The following DPP10 variants were observed in gnomAD, a reference collection of about 807,000 sequenced individuals.
DPP10 encodes the protein inactive dipeptidyl peptidase 10.
Under a neutral mutation model 120.9 loss-of-function variants are expected in DPP10, and 33 were observed. The observed-to-expected ratio is 0.27, with a 90% CI of 0.21 to 0.37. DPP10 has a LOEUF of 0.37. Among genes scored for constraint, DPP10 ranks in the 10% least tolerant of loss-of-function variants. The probability of loss-of-function intolerance (pLI) is 1.00; values close to 1 mark genes in which losing one functional copy is unlikely to be tolerated. For missense variants in DPP10, 816 were observed against 942.8 expected, an observed-to-expected ratio of 0.87 and a Z score of 1.76; for synonymous variants, 337 against 326.1, an observed-to-expected ratio of 1.03 and a Z score of -0.36.
At chr2:115,581,540 C>T (rs1307969675) in intron 5 of DPP10, among the ~76,000 whole-genome samples, 1 of 152,096 alleles carries the variant, frequency 6.6e-6, no homozygotes, top group Non-Finnish European at 1.5e-5. Flanking sequence ...CTACTATACT[C>T]TGTTATACAA....
intron 2 of DPP10, among the ~76,000 whole-genome samples, chr2:115,333,657 G>A (rs1192472622): frequency 6.6e-6 from 1 of 152,046 alleles, no homozygotes; most frequent in Admixed American, 6.6e-5. Context: ...TGTCTGTAAA[G>A]GATTTTATTT....
At chr2:115,182,464 T>C (rs922869964) in intron 1 of DPP10, among the ~76,000 whole-genome samples, 1 of 152,202 alleles carries the variant, frequency 6.6e-6, no homozygotes, top group Non-Finnish European at 1.5e-5. Flanking sequence ...GGGGGAATAA[T>C]CAGGGAAAAC....
intron 1 of DPP10, among the ~76,000 whole-genome samples, chr2:115,205,510 A>G (rs2056059901): frequency 1.3e-5 from 2 of 152,180 alleles, no homozygotes; most frequent in South Asian, 4.1e-4. Context: ...AATTTGACCC[A>G]GCAATGCCAT....
intron 3 of DPP10, among the ~76,000 whole-genome samples, chr2:115,401,068 G>A (rs978961844): frequency 1.3e-5 from 2 of 152,290 alleles, no homozygotes; most frequent in South Asian, 2.1e-4. Context: ...GAAAATGAGC[G>A]AGCCATAGAA....
intron 1 of DPP10, among the ~76,000 whole-genome samples, chr2:114,866,800 G>C (rs758957076): frequency 1.2e-4 from 18 of 152,182 alleles, no homozygotes; most frequent in Admixed American, 4.6e-4. Context: ...TGTGCTTAAA[G>C]TCCAAGAATT....
chr2:115,451,862 G>A (rs2073133679), intron 3 of DPP10, among the ~76,000 whole-genome samples: 1 of 151,542 alleles, frequency 6.6e-6, no homozygotes, highest in East Asian at 1.9e-4. Context: ...TTGTATAGGA[G>A]AGAAAGAATG....
intron 1 of DPP10, among the ~76,000 whole-genome samples, chr2:114,558,937 CATCTCCATGTCCAAGTAT>C: frequency 6.6e-6 from 1 of 152,276 alleles, no homozygotes; most frequent in South Asian, 2.1e-4. Flanking sequence ...GTCATAAGTA[CATCTCCATGTCCAAGTAT>C]ATCTCCATGC....
At chr2:115,156,895 A>C (rs2051951473) in intron 1 of DPP10, among the ~76,000 whole-genome samples, 2 of 152,208 alleles carry the variant, frequency 1.3e-5, no homozygotes, top group Non-Finnish European at 1.5e-5. Flanking sequence ...AGAGTTGTGA[A>C]AATCAGGAAA....
At chr2:115,684,974 G>A (rs903412795) in intron 5 of DPP10, among the ~76,000 whole-genome samples, 1 of 151,912 alleles carries the variant, frequency 6.6e-6, no homozygotes, top group Non-Finnish European at 1.5e-5. Context: ...CGTGCTTCAT[G>A]TACTAGCTCC....
intron 1 of DPP10, among the ~76,000 whole-genome samples, chr2:114,795,016 T>C (rs1234599514): frequency 6.6e-6 from 1 of 152,188 alleles, no homozygotes; most frequent in African/African-American, 2.4e-5. Flanking sequence ...GTCAGATTAT[T>C]TTGTATACCA....
intron 1 of DPP10, among the ~76,000 whole-genome samples, chr2:114,862,636 T>C (rs572741148): frequency 6.6e-6 from 1 of 152,238 alleles, no homozygotes; most frequent in African/African-American, 2.4e-5. Context: ...GAAAGAGAGA[T>C]AAAGACAGGT....
intron 1 of DPP10, among the ~76,000 whole-genome samples, chr2:115,087,709 A>T (rs1318673603): frequency 6.6e-6 from 1 of 150,698 alleles, no homozygotes; most frequent in African/African-American, 2.4e-5. Context: ...ATGCATCACC[A>T]CGCCCAGCTA....
intron 21 of DPP10, among the ~76,000 whole-genome samples, chr2:115,820,993 T>C (rs907053540): frequency 3.3e-5 from 5 of 152,210 alleles, no homozygotes; most frequent in Admixed American, 6.5e-5. Flanking sequence ...AATAGTGGGA[T>C]TGCTAGATCA....
At chr2:114,723,926 A>G (rs1488981764) in intron 1 of DPP10, among the ~76,000 whole-genome samples, 1 of 152,162 alleles carries the variant, frequency 6.6e-6, no homozygotes, top group Non-Finnish European at 1.5e-5. Flanking sequence ...CCATAGGTAA[A>G]TCTCCCCTCT....
chr2:115,551,115 C>T (rs1558836145), intron 5 of DPP10, among the ~76,000 whole-genome samples: 2 of 152,150 alleles, frequency 1.3e-5, no homozygotes, highest in South Asian at 4.1e-4. Context: ...GGCATTCTCT[C>T]TTCAGGTAAC....
intron 5 of DPP10, among the ~76,000 whole-genome samples, chr2:115,568,356 A>G (rs1295575911): frequency 2.0e-5 from 3 of 147,370 alleles, no homozygotes; most frequent in Non-Finnish European, 4.5e-5. Flanking sequence ...TTTGGTGTGC[A>G]CCTGTAGTCT....
intron 4 of DPP10, among the ~76,000 whole-genome samples, chr2:115,513,487 G>A (rs187061192): frequency 4.3e-4 from 65 of 151,480 alleles, no homozygotes; most frequent in Non-Finnish European, 7.7e-4. Flanking sequence ...TTTTTTGTTA[G>A]ATATTTTCTG....
chr2:114,737,478 C>A (rs1394985879), intron 1 of DPP10, among the ~76,000 whole-genome samples: 1 of 152,216 alleles, frequency 6.6e-6, no homozygotes, highest in Non-Finnish European at 1.5e-5. Context: ...CCAGCCTTTC[C>A]TAAGCCCTAT....
At chr2:115,760,166 A>G (rs2901396) in intron 11 of DPP10, among the ~76,000 whole-genome samples, 66,292 of 152,102 alleles carry the variant, frequency 0.44, 17,223 homozygotes, top group East Asian at 0.66. Flanking sequence ...AGTAGAGACT[A>G]TTTAATTGTC....
Sources: gnomAD v4.1 joint callset for allele counts (sites outside exome capture counted in the v4.1 genomes callset) on GRCh38, gnomAD v4.1.1 for gene constraint, MANE v1.5 for transcripts, NCBI Gene and HGNC (gene_info 2026-07-23, HGNC 2026-07-21) for gene names.